The following SNCAIP variants were observed in gnomAD, a reference collection of about 807,000 sequenced individuals.
SNCAIP encodes synphilin-1.
SNCAIP carries 43 observed loss-of-function variants against 86.7 expected under a neutral mutation model. The ratio of observed to expected loss-of-function variants is 0.50; its 90% confidence interval spans 0.39 to 0.64. SNCAIP has a LOEUF of 0.64. SNCAIP is among the 30% of genes least tolerant of loss of function. SNCAIP has a pLI of 0.00. For synonymous variants in SNCAIP, 417 were observed against 427.2 expected, an observed-to-expected ratio of 0.98 and a Z score of 0.29; for missense variants, 981 against 1,103.1, an observed-to-expected ratio of 0.89 and a Z score of 1.57.
chr5:122,331,827 G>T (rs1182265332), intron 1 of SNCAIP, among the ~76,000 whole-genome samples: 1 of 152,130 alleles, frequency 6.6e-6, no homozygotes, highest in African/African-American at 2.4e-5. Flanking sequence ...TTATTTGTTT[G>T]CCTGTTGTCT....
intron 1 of SNCAIP, among the ~76,000 whole-genome samples, chr5:122,315,347 A>G (rs1751490673): frequency 6.6e-6 from 1 of 152,192 alleles, no homozygotes; most frequent in Non-Finnish European, 1.5e-5. Context: ...GCTTCTTTAC[A>G]TGGCAAATCA....
chr5:122,459,103 C>T (rs1220605996), intron 10 of SNCAIP, among the ~76,000 whole-genome samples: 1 of 152,136 alleles, frequency 6.6e-6, no homozygotes, highest in East Asian at 1.9e-4. Context: ...AGTGAGTTTC[C>T]ATTTGGGCAC....
chr5:122,460,177 A>C (rs904671369), intron 10 of SNCAIP, among the ~76,000 whole-genome samples: 40 of 151,466 alleles, frequency 2.6e-4, no homozygotes, highest in African/African-American at 9.2e-4. Context: ...GCTGCAGTGC[A>C]GTCGTGTGAT....
intron 1 of SNCAIP, chr5:122,323,290 G>A (rs910589533): frequency 1.3e-5 from 2 of 152,126 alleles, no homozygotes; most frequent in Non-Finnish European, 2.9e-5. Flanking sequence ...CAATTTAAAA[G>A]TCTAATCTTT....
chr5:122,408,710 A>G (rs1289624713), intron 3 of SNCAIP, among the ~76,000 whole-genome samples: 1 of 152,210 alleles, frequency 6.6e-6, no homozygotes, highest in Admixed American at 6.5e-5. Flanking sequence ...AGGAAGCAAA[A>G]AACTAGGAGT....
chr5:122,352,168 A>G (rs1306173424), intron 1 of SNCAIP, among the ~76,000 whole-genome samples: 1 of 152,196 alleles, frequency 6.6e-6, no homozygotes, highest in East Asian at 1.9e-4. Context: ...ACACTCCCGG[A>G]AAAACGAGTT....
At chr5:122,425,099 A>G (rs1441334342) in intron 4 of SNCAIP, among the ~76,000 whole-genome samples, 3 of 152,220 alleles carry the variant, frequency 2.0e-5, no homozygotes, top group African/African-American at 4.8e-5. Flanking sequence ...TAGAAAGCCA[A>G]CTTGAAGCCT....
At chr5:122,434,087 T>G (rs1233110851) in intron 6 of SNCAIP, among the ~76,000 whole-genome samples, 1 of 152,204 alleles carries the variant, frequency 6.6e-6, no homozygotes, top group Non-Finnish European at 1.5e-5. Context: ...AAGAAGAGAA[T>G]AGGATTTTCA....
intron 1 of SNCAIP, among the ~76,000 whole-genome samples, chr5:122,320,166 C>T (rs746769899): frequency 2.8e-4 from 42 of 152,236 alleles, no homozygotes; most frequent in Admixed American, 7.9e-4. Flanking sequence ...TCTCCTCCTT[C>T]ACCTGTGACA....
chr5:122,382,863 G>A (rs1170071466), intron 1 of SNCAIP, among the ~76,000 whole-genome samples: 1 of 152,234 alleles, frequency 6.6e-6, no homozygotes, highest in Non-Finnish European at 1.5e-5. Flanking sequence ...CGGGGGTCAG[G>A]GGTCAGGGAC....
At chr5:122,374,581 T>C (rs1286713406) in intron 1 of SNCAIP, among the ~76,000 whole-genome samples, 5 of 152,136 alleles carry the variant, frequency 3.3e-5, no homozygotes, top group Non-Finnish European at 5.9e-5. Context: ...CAAAAGGGTC[T>C]CTAGAAAACT....
intron 10 of SNCAIP, among the ~76,000 whole-genome samples, chr5:122,459,402 A>G (rs1045119565): frequency 4.6e-5 from 7 of 152,250 alleles, no homozygotes; most frequent in Non-Finnish European, 8.8e-5. Flanking sequence ...TTTCTTTCCA[A>G]TTTTGGTCAC....
chr5:122,450,567 TG>T lies in SNCAIP; in HGVS notation c.1722del (p.Trp574Ter). The T allele has an allele frequency of 6.2e-7, 1 of 1,614,046 alleles. No individual in the cohort carries two copies. Among genetic ancestry groups the T allele is most frequent in the Non-Finnish European group, 8.5e-7 (1 of 1,179,932 alleles). On this transcript the variant is annotated frameshift_variant, in exon 10 of 11. Coordinates refer to ENST00000261368, the MANE Select transcript of SNCAIP (RefSeq NM_005460.4). LOFTEE classifies it high-confidence loss of function. ...CTCACCTGCCTCCAGAAAGTCCCAG[TG>T]GAAATCTCCAGATGCAGATGATGAT... is the stretch of plus-strand genomic sequence containing the variant. ...PSSPASRKSQ[W>X]KSPDADDDSV...
At chr5:122,335,935 T>TA (rs902456829) in intron 1 of SNCAIP, among the ~76,000 whole-genome samples, 8 of 152,200 alleles carry the variant, frequency 5.3e-5, no homozygotes, top group Non-Finnish European at 1.0e-4. Flanking sequence ...TTAAGTCCTG[T>TA]AAAAGAACCT....
At chr5:122,391,250 C>T in intron 2 of SNCAIP, 59 bp downstream of exon 2, 1 of 1,175,216 alleles carries the variant, frequency 8.5e-7, no homozygotes, top group Non-Finnish European at 1.3e-6. Context: ...ACTTCATAGC[C>T]TACTTTCTCC....
At position 122,425,957 on chromosome 5, in the gene SNCAIP, T is replaced by C. The variant is rs75499859; in HGVS notation, c.1182+426T>C. Among the ~76,000 whole-genome samples, 569 of 152,352 alleles carry C rather than the reference T, an allele frequency of 3.7e-3. 14 individuals carry two copies. The East Asian group carries it at 0.039, about 10-fold the overall frequency. ...AAGTGGGCGCTTAACGGATCACATCTGAAGTTTGAGTGTCTTCAGTATCAA... is the reference window on the plus strand; with the variant it reads ...AAGTGGGCGCTTAACGGATCACATCCGAAGTTTGAGTGTCTTCAGTATCAA... On this transcript the variant is annotated intron_variant, in intron 5 of 10. Coordinates refer to ENST00000261368, the MANE Select transcript of SNCAIP (RefSeq NM_005460.4).
intron 1 of SNCAIP, among the ~76,000 whole-genome samples, chr5:122,381,522 G>C (rs1477132313): frequency 1.4e-5 from 2 of 147,384 alleles, no homozygotes; most frequent in Admixed American, 6.8e-5. Flanking sequence ...CTTTTAATTG[G>C]AGCATTTAGT....
intron 10 of SNCAIP, among the ~76,000 whole-genome samples, chr5:122,460,366 A>G (rs934388529): frequency 1.3e-5 from 2 of 152,234 alleles, no homozygotes; most frequent in Admixed American, 1.3e-4. Context: ...CCAAGATTAC[A>G]TAGTAATGAT....
intron 1 of SNCAIP, among the ~76,000 whole-genome samples, chr5:122,373,135 T>A (rs1764589759): frequency 2.0e-5 from 3 of 152,340 alleles, no homozygotes; most frequent in Non-Finnish European, 2.9e-5. Flanking sequence ...TTTAATTTTA[T>A]TCTCTCCATC....
Sources: allele counts gnomAD v4.1 joint callset (sites outside exome capture counted in the v4.1 genomes callset), GRCh38; gene constraint gnomAD v4.1.1; transcripts MANE v1.5; gene names NCBI Gene and HGNC (gene_info 2026-07-23, HGNC 2026-07-21).